The following COA1 variants were observed in gnomAD, a reference collection of about 807,000 sequenced individuals.
COA1 encodes cytochrome c oxidase assembly factor 1, also known as cytochrome c oxidase assembly factor 1 homolog.
In COA1, 13 loss-of-function variants were observed where a neutral mutation model predicts 16.0. The ratio of observed to expected loss-of-function variants is 0.81; its 90% confidence interval spans 0.53 to 1.29. The LOEUF (loss-of-function observed/expected upper bound fraction) is 1.29, where lower values mean the gene tolerates loss of function less well. Ranked by LOEUF, COA1 falls within the 50% of genes most tolerant of loss-of-function variation. COA1 has a pLI of 0.00. For synonymous variants in COA1, 65 were observed against 65.7 expected (o/e 0.99, Z 0.05); for missense variants, 179 against 177.0 (o/e 1.01, Z -0.06).
chr7:43,692,735 A>G (rs901790946), intron 1 of COA1, among the ~76,000 whole-genome samples: 5 of 152,180 alleles, frequency 3.3e-5, no homozygotes, highest in African/African-American at 1.2e-4. Context: ...AAAAAGAGTC[A>G]TGAGTATGAC....
At chr7:43,628,836 T>C (rs2084891572) in intron 6 of COA1, among the ~76,000 whole-genome samples, 1 of 152,198 alleles carries the variant, frequency 6.6e-6, no homozygotes, top group Non-Finnish European at 1.5e-5. Context: ...CTCAGTAGTA[T>C]CTGTTGATGA....
intron 1 of COA1, among the ~76,000 whole-genome samples, chr7:43,658,455 A>G (rs1328709101): frequency 1.3e-5 from 2 of 152,250 alleles, no homozygotes; most frequent in African/African-American, 4.8e-5. Flanking sequence ...GATATAACAT[A>G]AACACCTGAT....
At chr7:43,704,742 A>G (rs1204162928) in intron 1 of COA1, among the ~76,000 whole-genome samples, 3 of 152,032 alleles carry the variant, frequency 2.0e-5, no homozygotes, top group Non-Finnish European at 4.4e-5. Flanking sequence ...TTGGGTTTCA[A>G]CCTTCTCCTC....
Position 43,683,692 on chromosome 7 carries a change from A to G in COA1, c.-38-35040T>C, listed in dbSNP as rs993042325. On this transcript the variant is annotated intron_variant, in intron 1 of 5. Coordinates refer to ENST00000223336, the MANE Select transcript of COA1 (RefSeq NM_018224.4). ...TCTCAGTAAGTAGTTCAAATTTAGT[A>G]CCTTTACTATGTGCCAGGTACTGTT... Among the ~76,000 whole-genome samples, 11 of 152,296 alleles carry G rather than the reference A, an allele frequency of 7.2e-5. No homozygotes were observed. The East Asian group carries it at 2.1e-3, about 29-fold the overall frequency.
intron 1 of COA1, among the ~76,000 whole-genome samples, chr7:43,708,916 A>C (rs1256991258): frequency 1.3e-5 from 2 of 152,152 alleles, no homozygotes; most frequent in Non-Finnish European, 2.9e-5. Context: ...TCTTGGTTTT[A>C]ATAAATTCCA....
At chr7:43,723,701 C>T (rs1475788610) in intron 1 of COA1, among the ~76,000 whole-genome samples, 2 of 151,584 alleles carry the variant, frequency 1.3e-5, no homozygotes, top group Non-Finnish European at 2.9e-5. Flanking sequence ...CTGAGGTGGG[C>T]GGATCGCTTG....
intron 1 of COA1, among the ~76,000 whole-genome samples, chr7:43,699,295 T>C (rs2094627916): frequency 6.6e-6 from 1 of 152,192 alleles, no homozygotes; most frequent in African/African-American, 2.4e-5. Flanking sequence ...TCATAACTCC[T>C]TGAGAGGAGA....
chr7:43,684,029 T>C (rs1337623265), intron 1 of COA1, among the ~76,000 whole-genome samples: 2 of 152,204 alleles, frequency 1.3e-5, no homozygotes, highest in African/African-American at 2.4e-5. Flanking sequence ...TGTGCGATTG[T>C]TGATGCTACT....
chr7:43,661,683 T>C (rs1051656001), intron 1 of COA1, among the ~76,000 whole-genome samples: 1 of 151,664 alleles, frequency 6.6e-6, no homozygotes, highest in Admixed American at 6.6e-5. Flanking sequence ...ACCAGTTTCC[T>C]AGATCACAAT....
At chr7:43,660,050 C>T (rs752734025) in intron 1 of COA1, among the ~76,000 whole-genome samples, 19 of 152,140 alleles carry the variant, frequency 1.2e-4, no homozygotes, top group Non-Finnish European at 7.4e-5. Flanking sequence ...CCTGACAACA[C>T]CTTCATCTTC....
At chr7:43,724,532 C>T (rs1338047364) in intron 1 of COA1, among the ~76,000 whole-genome samples, 1 of 147,840 alleles carries the variant, frequency 6.8e-6, no homozygotes, top group Non-Finnish European at 1.5e-5. Flanking sequence ...GCCTGGGAGA[C>T]AGAGCAAGAC....
At chr7:43,613,594 G>A (rs887425585) in intron 6 of COA1, among the ~76,000 whole-genome samples, 10 of 152,132 alleles carry the variant, frequency 6.6e-5, no homozygotes, top group African/African-American at 1.9e-4. Flanking sequence ...TGTAATCCCA[G>A]CACTTTGGGA....
chr7:43,612,991 C>T (rs2083015103), intron 6 of COA1, among the ~76,000 whole-genome samples: 1 of 152,168 alleles, frequency 6.6e-6, no homozygotes, highest in African/African-American at 2.4e-5. Context: ...ACAAAACCAA[C>T]TAAAAGTACC....
chr7:43,707,154 C>T (rs1318244785), intron 1 of COA1, among the ~76,000 whole-genome samples: 1 of 152,206 alleles, frequency 6.6e-6, no homozygotes, highest in East Asian at 1.9e-4. Context: ...CACGCCACTG[C>T]ACTCCAGCCT....
rs190996769 is a variant in COA1, at chr7:43,724,405, T to C, written c.-39+5024A>G. 2.2e-3 allele frequency among the ~76,000 whole-genome samples: 332 copies of C among 151,892 alleles called. 3 individuals are homozygous for C. The highest frequency in any genetic ancestry group is 1.4e-3 in the Non-Finnish European group (95 of 67,940). ...CTGTCTCTACTAAAAATATAAAAATTAGCCTGCGTGGTGGTGCACGCCTGT... is the reference window on the plus strand; with the variant it reads ...CTGTCTCTACTAAAAATATAAAAATCAGCCTGCGTGGTGGTGCACGCCTGT... On this transcript the variant is annotated intron_variant, in intron 1 of 5. Coordinates refer to ENST00000223336, the MANE Select transcript of COA1 (RefSeq NM_018224.4).
At chr7:43,612,621 T>C (rs2082977055) in intron 6 of COA1, among the ~76,000 whole-genome samples, 1 of 152,256 alleles carries the variant, frequency 6.6e-6, no homozygotes, top group South Asian at 2.1e-4. Flanking sequence ...GGGAAACTCC[T>C]GTCCCTGTGA....
intron 2 of COA1, 180 bp downstream of exon 2, chr7:43,648,416 GAGAA>G (rs1297020726): frequency 4.1e-6 from 3 of 736,580 alleles, no homozygotes; most frequent in Admixed American, 4.1e-5. Flanking sequence ...TGAGACACGA[GAGAA>G]AGACAGAGTG....
At chr7:43,685,671 A>G (rs3807519) in intron 1 of COA1, among the ~76,000 whole-genome samples, 12,999 of 152,308 alleles carry the variant, frequency 0.085, 658 homozygotes, top group East Asian at 0.18. Context: ...GACCCTCTCC[A>G]GTGTTAAATC....
chr7:43,638,590 T>TCC (rs1563204245), downstream of COA1, among the ~76,000 whole-genome samples: 1 of 107,466 alleles, frequency 9.3e-6, no homozygotes, highest in South Asian at 3.1e-4. Context: ...TTTTTTTTTT[T>TCC]CTGAGACAGA....
Sources: allele counts gnomAD v4.1 joint callset (sites outside exome capture counted in the v4.1 genomes callset), GRCh38; gene constraint gnomAD v4.1.1; transcripts MANE v1.5; gene names NCBI Gene and HGNC (gene_info 2026-07-23, HGNC 2026-07-21).